CSMD1: variants seen among roughly 807,000 people sequenced by gnomAD.
CSMD1 encodes the protein CUB and Sushi multiple domains 1.
In CSMD1, 213 loss-of-function variants were observed where a neutral mutation model predicts 417.5. The observed-to-expected ratio is 0.51, with a 90% confidence interval of 0.46 to 0.57. CSMD1 has a LOEUF of 0.57. Among genes scored for constraint, CSMD1 ranks in the 20% least tolerant of loss-of-function variants. The pLI is 0.00. For synonymous variants in CSMD1, 2,862 were observed against 1,736.8 expected, an observed-to-expected ratio of 1.65 and a Z score of -16.11; for missense variants, 6,923 against 4,529.7, an observed-to-expected ratio of 1.53 and a Z score of -15.17.
chr8:4,092,732 A>C (rs1217009297), intron 3 of CSMD1, among the ~76,000 whole-genome samples: 1 of 152,098 alleles, frequency 6.6e-6, no homozygotes, highest in Non-Finnish European at 1.5e-5. Flanking sequence ...CAACTTTTTA[A>C]CTTCCACATT....
At chr8:3,606,824 T>C (rs966362456) in intron 8 of CSMD1, among the ~76,000 whole-genome samples, 8 of 151,758 alleles carry the variant, frequency 5.3e-5, no homozygotes, top group South Asian at 2.1e-4. Context: ...GATTCTCCTG[T>C]CTCAGCCTCC....
intron 5 of CSMD1, among the ~76,000 whole-genome samples, chr8:3,914,894 T>A (rs545751279): frequency 6.6e-6 from 1 of 152,268 alleles, no homozygotes; most frequent in African/African-American, 2.4e-5. Context: ...TGCTGAAATC[T>A]TACAGAATAA....
intron 3 of CSMD1, among the ~76,000 whole-genome samples, chr8:4,341,692 T>C (rs1800486996): frequency 6.6e-6 from 1 of 152,236 alleles, no homozygotes; most frequent in South Asian, 2.1e-4. Flanking sequence ...TCAAGATAAA[T>C]GGAAACCTAA....
At chr8:3,926,098 CACACACACA>C (rs1336355197) in intron 5 of CSMD1, among the ~76,000 whole-genome samples, 2 of 81,936 alleles carry the variant, frequency 2.4e-5, no homozygotes, top group Non-Finnish European at 4.7e-5. Context: ...CACACACACA[CACACACACA>C]CACACACACA....
chr8:3,531,618 G>A (rs775476295), intron 10 of CSMD1, among the ~76,000 whole-genome samples: 2 of 152,112 alleles, frequency 1.3e-5, no homozygotes, highest in African/African-American at 4.8e-5. Context: ...GTCCACTCCA[G>A]GTTATGTGTT....
At chr8:3,767,181 G>A (rs1306540867) in intron 5 of CSMD1, among the ~76,000 whole-genome samples, 4 of 152,232 alleles carry the variant, frequency 2.6e-5, no homozygotes, top group African/African-American at 9.7e-5. Context: ...AGGTCACGCT[G>A]CCATCGTAGA....
chr8:4,641,632 G>A (rs986449893), intron 1 of CSMD1, among the ~76,000 whole-genome samples: 1 of 152,144 alleles, frequency 6.6e-6, no homozygotes, highest in East Asian at 1.9e-4. Flanking sequence ...AAAGCCTAGA[G>A]CCGTCCCACC....
chr8:4,892,707 G>T (rs1241322683), intron 1 of CSMD1, among the ~76,000 whole-genome samples: 2 of 151,930 alleles, frequency 1.3e-5, no homozygotes, highest in Non-Finnish European at 2.9e-5. Context: ...TACATTTACT[G>T]ATATATTGCT....
At chr8:4,390,021 C>T (rs1803736323) in intron 3 of CSMD1, among the ~76,000 whole-genome samples, 2 of 152,168 alleles carry the variant, frequency 1.3e-5, no homozygotes, top group African/African-American at 4.8e-5. Context: ...TACCAATTTG[C>T]TTTTCACAAA....
At chr8:3,367,740 T>A (rs1231665214) in intron 19 of CSMD1, among the ~76,000 whole-genome samples, 1 of 152,136 alleles carries the variant, frequency 6.6e-6, no homozygotes, top group Non-Finnish European at 1.5e-5. Flanking sequence ...TGAGGAAATA[T>A]GGAGATTATA....
At chr8:4,330,079 T>TATAGCAATGCA (rs1427489198) in intron 3 of CSMD1, among the ~76,000 whole-genome samples, 1 of 152,116 alleles carries the variant, frequency 6.6e-6, no homozygotes, top group Admixed American at 6.6e-5. Flanking sequence ...TATATTTCTT[T>TATAGCAATGCA]AGAGCAATGC....
intron 3 of CSMD1, among the ~76,000 whole-genome samples, chr8:4,308,954 T>C (rs1044459986): frequency 1.3e-5 from 2 of 152,146 alleles, no homozygotes; most frequent in African/African-American, 4.8e-5. Context: ...TCTCAAATAC[T>C]CCCTGTAACC....
chr8:4,428,252 A>G (rs1334407283), intron 2 of CSMD1, among the ~76,000 whole-genome samples: 2 of 152,210 alleles, frequency 1.3e-5, no homozygotes, highest in African/African-American at 4.8e-5. Context: ...CTAGGAGACT[A>G]TCAACTTGAT....
At chr8:4,991,498 C>A (rs1811459142) in intron 1 of CSMD1, among the ~76,000 whole-genome samples, 2 of 152,222 alleles carry the variant, frequency 1.3e-5, no homozygotes, top group African/African-American at 2.4e-5. Flanking sequence ...TTATGCCCCA[C>A]GCATCAAAAA....
At chr8:3,310,882 A>G (rs1437885643) in intron 23 of CSMD1, among the ~76,000 whole-genome samples, 1 of 151,796 alleles carries the variant, frequency 6.6e-6, no homozygotes, top group Non-Finnish European at 1.5e-5. Flanking sequence ...AGAAATCTGG[A>G]GTTTTAAAAA....
chr8:4,175,335 G>C lies in CSMD1; in HGVS notation c.416-143236C>G, dbSNP rs184398192. Among the ~76,000 whole-genome samples, 301 of 152,144 alleles carry C rather than the reference G, an allele frequency of 2.0e-3. 2 individuals carry two copies. Among genetic ancestry groups the C allele is most frequent in the Admixed American group, 0.017 (255 of 15,288 alleles). On this transcript the variant is annotated intron_variant, in intron 3 of 69. Transcript: ENST00000635120. ...CATTGTTTAGGTTAAAGTTATCTTC[G>C]TCACTTTTTTCTAAATACTTTTTAA...
intron 1 of CSMD1, among the ~76,000 whole-genome samples, chr8:4,668,412 T>A (rs1179655358): frequency 7.1e-6 from 1 of 140,500 alleles, no homozygotes; most frequent in Non-Finnish European, 1.5e-5. Flanking sequence ...TTTTGATGTT[T>A]TCCATTATTA....
At chr8:3,634,046 C>T (rs999668518) in intron 7 of CSMD1, among the ~76,000 whole-genome samples, 1 of 149,950 alleles carries the variant, frequency 6.7e-6, no homozygotes, top group East Asian at 2.0e-4. Context: ...AAATAAAGGG[C>T]TGACTCAGCA....
intron 10 of CSMD1, among the ~76,000 whole-genome samples, chr8:3,495,836 T>G (rs940300422): frequency 6.6e-6 from 1 of 152,186 alleles, no homozygotes; most frequent in African/African-American, 2.4e-5. Flanking sequence ...ACCCTCCTTA[T>G]GTCTTGCATG....
Sources: gnomAD v4.1 joint callset for allele counts (sites outside exome capture counted in the v4.1 genomes callset) on GRCh38, gnomAD v4.1.1 for gene constraint, MANE v1.5 for transcripts, NCBI Gene and HGNC (gene_info 2026-07-23, HGNC 2026-07-21) for gene names.